Variants in RERG observed in about 807,000 individuals in gnomAD.
RERG encodes the protein ras-related and estrogen-regulated growth inhibitor.
RERG carries 25 observed loss-of-function variants against 23.2 expected under a neutral mutation model. That is an observed-to-expected ratio of 1.08 (90% CI 0.79 to 1.50). The LOEUF (loss-of-function observed/expected upper bound fraction) is 1.50, where lower values mean the gene tolerates loss of function less well. Ranked by LOEUF, RERG falls within the 40% of genes most tolerant of loss-of-function variation. The pLI is 0.00. For synonymous variants in RERG, 81 were observed against 89.1 expected, an observed-to-expected ratio of 0.91 and a Z score of 0.51; for missense variants, 253 against 250.1, an observed-to-expected ratio of 1.01 and a Z score of -0.08.
chr12:15,182,929 T>G (rs971890661), intron 2 of RERG, among the ~76,000 whole-genome samples: 1 of 151,942 alleles, frequency 6.6e-6, no homozygotes, highest in Non-Finnish European at 1.5e-5. Flanking sequence ...ATTAAAACAT[T>G]AGCTGGGCAT....
At chr12:15,169,042 G>A (rs1864736411) in intron 2 of RERG, among the ~76,000 whole-genome samples, 1 of 152,168 alleles carries the variant, frequency 6.6e-6, no homozygotes, top group Non-Finnish European at 1.5e-5. Context: ...GAGATGAAAG[G>A]TTGTAAATCA....
chr12:15,165,819 T>C (rs1344460294), intron 2 of RERG, among the ~76,000 whole-genome samples: 1 of 152,170 alleles, frequency 6.6e-6, no homozygotes, highest in African/African-American at 2.4e-5. Flanking sequence ...GCCTCACTCT[T>C]AATTTTGAAA....
At chr12:15,189,782 G>GGAA (rs1366286355) in intron 2 of RERG, among the ~76,000 whole-genome samples, 2 of 152,258 alleles carry the variant, frequency 1.3e-5, no homozygotes, top group East Asian at 3.9e-4. Context: ...AACCAAACAT[G>GGAA]AGGACTAAGA....
chr12:15,175,333 C>CTGTGTG (rs532399275), intron 2 of RERG, among the ~76,000 whole-genome samples: 6,899 of 112,092 alleles, frequency 0.062, 320 homozygotes, highest in Non-Finnish European at 0.069. Context: ...CTCTCAGGCT[C>CTGTGTG]TGTGTGTGTG....
chr12:15,180,417 T>C (rs1565530085), intron 2 of RERG, among the ~76,000 whole-genome samples: 2 of 151,786 alleles, frequency 1.3e-5, no homozygotes, highest in Middle Eastern at 6.8e-3. Flanking sequence ...AGAGCTGGGG[T>C]CCTGAGTTGA....
At chr12:15,122,041 T>A (rs1394928816) in intron 2 of RERG, among the ~76,000 whole-genome samples, 4 of 141,482 alleles carry the variant, frequency 2.8e-5, no homozygotes, top group Non-Finnish European at 1.6e-5. Context: ...AAAAAAAAAA[T>A]TGGAGCGGGA....
intron 2 of RERG, among the ~76,000 whole-genome samples, chr12:15,139,760 C>A (rs1489610581): frequency 6.6e-6 from 1 of 152,020 alleles, no homozygotes; most frequent in Non-Finnish European, 1.5e-5. Flanking sequence ...CATTTGTGAA[C>A]AAAGACAGTT....
intron 2 of RERG, among the ~76,000 whole-genome samples, chr12:15,186,163 T>C (rs971319913): frequency 4.6e-5 from 7 of 151,866 alleles, no homozygotes; most frequent in African/African-American, 7.2e-5. Flanking sequence ...GAGGAATAGA[T>C]AAGCTTTCTC....
In RERG at chr12:15,121,116, A is replaced by T. The variant is rs1358453022; in HGVS notation, c.65T>A (p.Leu22His). The T allele has an allele frequency of 6.2e-7, 1 of 1,612,528 alleles. No homozygotes were observed. The highest frequency in any genetic ancestry group is 2.2e-5 in the East Asian group (1 of 44,876). Residue 22 changes from leucine to histidine, a missense_variant, in exon 3 of 5, where the codon CTT becomes CAT. Coordinates refer to ENST00000256953, the MANE Select transcript of RERG (RefSeq NM_032918.3). ...FGRAGVGKSA[L>H]VVRFLTKRFI... is the part of the protein sequence containing the mutation. ...CCGTTTGGTCAGAAATCTCACTACA[A>T]GAGCTGTGGAAGAAAAGAGCAACAT...
intron 2 of RERG, among the ~76,000 whole-genome samples, chr12:15,172,453 T>C (rs985728580): frequency 2.0e-5 from 3 of 152,158 alleles, no homozygotes; most frequent in African/African-American, 4.8e-5. Context: ...CACAAGATTT[T>C]ATGTAGGCAT....
intron 2 of RERG, among the ~76,000 whole-genome samples, chr12:15,148,915 C>CTGGACTGCA (rs1459054079): frequency 2.6e-5 from 3 of 114,796 alleles, no homozygotes; most frequent in Non-Finnish European, 5.0e-5. Flanking sequence ...GTCACCCAGG[C>CTGGACTGCA]TGGACTGCAG....
At chr12:15,149,526 T>G (rs1864402267) in intron 2 of RERG, among the ~76,000 whole-genome samples, 1 of 152,170 alleles carries the variant, frequency 6.6e-6, no homozygotes, top group African/African-American at 2.4e-5. Context: ...AGAAAGATGT[T>G]CATTAACAAT....
intron 2 of RERG, among the ~76,000 whole-genome samples, chr12:15,199,258 A>G (rs569946557): frequency 2.4e-4 from 36 of 152,232 alleles, no homozygotes; most frequent in African/African-American, 7.9e-4. Flanking sequence ...TTCAATGTAA[A>G]TGTTCTGAAA....
rs1331251799 is a variant in RERG at position 15,166,499 on chromosome 12, A to ATGATGATGG, written c.62-45381_62-45380insCCATCATCA. 6.7e-4 allele frequency among the ~76,000 whole-genome samples: 101 copies of ATGATGATGG among 150,450 alleles called. 12 individuals carry two copies. Among genetic ancestry groups the ATGATGATGG allele is most frequent in the Admixed American group, 5.0e-3 (75 of 14,874 alleles). On this transcript the variant is annotated intron_variant, in intron 2 of 4. Transcript: ENST00000256953. The stretch of plus-strand genomic sequence containing the variant: ...GATGATGATGATGATGATGATGATG[A>ATGATGATGG]TGGGGATGGTGGTGATGGTGGTGAT...
intron 2 of RERG, among the ~76,000 whole-genome samples, chr12:15,150,332 C>A (rs74071050): frequency 2.6e-5 from 4 of 152,048 alleles, no homozygotes; most frequent in Non-Finnish European, 5.9e-5. Context: ...AACAAGATGG[C>A]GAGCTGAAAC....
intron 2 of RERG, among the ~76,000 whole-genome samples, chr12:15,202,113 G>C (rs964795313): frequency 2.6e-5 from 4 of 151,546 alleles, no homozygotes; most frequent in Admixed American, 2.0e-4. Flanking sequence ...AGTTTCATTG[G>C]AATATAATTA....
intron 2 of RERG, chr12:15,155,134 C>T (rs1260038804): frequency 1.3e-5 from 2 of 152,098 alleles, no homozygotes; most frequent in Non-Finnish European, 2.9e-5. Context: ...AAAAAGCAGG[C>T]ATGGTGTTGA....
intron 2 of RERG, among the ~76,000 whole-genome samples, chr12:15,180,276 AT>A (rs1263846132): frequency 6.6e-6 from 1 of 152,144 alleles, no homozygotes; most frequent in Non-Finnish European, 1.5e-5. Context: ...ATGTAGCCCT[AT>A]TTCCAGGCTG....
At chr12:15,176,357 C>A (rs1414198953) in intron 2 of RERG, among the ~76,000 whole-genome samples, 1 of 152,008 alleles carries the variant, frequency 6.6e-6, no homozygotes, top group Non-Finnish European at 1.5e-5. Context: ...CACATATTTC[C>A]TCGTGTTATA....
Sources: gnomAD v4.1 joint callset for allele counts (sites outside exome capture counted in the v4.1 genomes callset) on GRCh38, gnomAD v4.1.1 for gene constraint, MANE v1.5 for transcripts, NCBI Gene and HGNC (gene_info 2026-07-23, HGNC 2026-07-21) for gene names.